Variants in FTO observed in about 807,000 individuals in gnomAD.
FTO encodes the protein FTO alpha-ketoglutarate dependent dioxygenase, also known as alpha-ketoglutarate-dependent dioxygenase FTO.
Under a neutral mutation model 63.9 loss-of-function variants are expected in FTO, and 47 were observed. The observed-to-expected ratio is 0.74, with a 90% confidence interval of 0.58 to 0.94. The LOEUF (loss-of-function observed/expected upper bound fraction) is 0.94, where lower values mean the gene tolerates loss of function less well. FTO is among the 40% of genes least tolerant of loss of function. The pLI is 0.00. For missense variants in FTO, 562 were observed against 618.1 expected, an observed-to-expected ratio of 0.91 and a Z score of 0.96; for synonymous variants, 207 against 224.4, an observed-to-expected ratio of 0.92 and a Z score of 0.69.
chr16:53,961,227 A>G (rs554492709), intron 8 of FTO, among the ~76,000 whole-genome samples: 3 of 151,968 alleles, frequency 2.0e-5, no homozygotes, highest in African/African-American at 7.2e-5. Flanking sequence ...CACTGCTTAC[A>G]GCCCCCAGAT....
chr16:54,088,794 A>C (rs890392798), intron 8 of FTO, among the ~76,000 whole-genome samples: 4 of 152,224 alleles, frequency 2.6e-5, no homozygotes, highest in Non-Finnish European at 4.4e-5. Context: ...CTACCACTGC[A>C]CACTGGGAAA....
intron 5 of FTO, among the ~76,000 whole-genome samples, chr16:53,879,382 T>C (rs927851760): frequency 6.6e-6 from 1 of 151,914 alleles, no homozygotes; most frequent in African/African-American, 2.4e-5. Context: ...AATTCTTGAG[T>C]TCGTGAGTAT....
intron 8 of FTO, among the ~76,000 whole-genome samples, chr16:54,022,656 T>A (rs1008140514): frequency 2.6e-5 from 4 of 152,226 alleles, no homozygotes; most frequent in Non-Finnish European, 5.9e-5. Context: ...CTGTGCATTT[T>A]GTTGGACCAC....
chr16:53,920,776 G>C (rs2081989626), intron 7 of FTO, among the ~76,000 whole-genome samples: 1 of 152,176 alleles, frequency 6.6e-6, no homozygotes. Flanking sequence ...TGATGGAATG[G>C]TTGTTGGCAT....
chr16:54,070,095 GCAAT>G (rs2085830714), intron 8 of FTO: 1 of 151,964 alleles, frequency 6.6e-6, no homozygotes, highest in Admixed American at 6.6e-5. Context: ...CATCTAGTAA[GCAAT>G]CAATACGTGT....
At chr16:53,731,500 A>G (rs1397644113) in intron 1 of FTO, among the ~76,000 whole-genome samples, 1 of 152,184 alleles carries the variant, frequency 6.6e-6, no homozygotes, top group Non-Finnish European at 1.5e-5. Flanking sequence ...TATCTTGTTC[A>G]TGCCTCTGTT....
intron 8 of FTO, among the ~76,000 whole-genome samples, chr16:54,013,057 G>A (rs893414811): frequency 2.0e-5 from 3 of 152,134 alleles, no homozygotes; most frequent in East Asian, 3.9e-4. Context: ...ATAAATCTGG[G>A]AAGGATAATT....
intron 5 of FTO, 71 bp downstream of exon 5, chr16:53,873,936 A>G (rs911141162): frequency 2.2e-5 from 25 of 1,143,364 alleles, no homozygotes; most frequent in Non-Finnish European, 3.2e-5. Context: ...GCAATTTACT[A>G]TAGAGCTTTG....
At chr16:53,803,712 T>C (rs1214244576) in intron 1 of FTO, among the ~76,000 whole-genome samples, 1 of 152,208 alleles carries the variant, frequency 6.6e-6, no homozygotes, top group East Asian at 1.9e-4. Flanking sequence ...GTATAGTCTC[T>C]TGCCAGTCAC....
intron 1 of FTO, among the ~76,000 whole-genome samples, chr16:53,704,695 A>G (rs1038176996): frequency 9.2e-5 from 14 of 152,128 alleles, no homozygotes; most frequent in Admixed American, 3.9e-4. Context: ...GTGGATATGA[A>G]TCTTTAACTA....
At chr16:53,942,688 T>C (rs2082558606) in intron 8 of FTO, among the ~76,000 whole-genome samples, 1 of 152,210 alleles carries the variant, frequency 6.6e-6, no homozygotes, top group South Asian at 2.1e-4. Flanking sequence ...TGATTCGGCA[T>C]GTGGACTAGA....
At chr16:53,787,612 C>T (rs563174348) in intron 1 of FTO, among the ~76,000 whole-genome samples, 15 of 152,246 alleles carry the variant, frequency 9.9e-5, no homozygotes, top group African/African-American at 3.4e-4. Context: ...GTTCCTTTTA[C>T]GCTGACTCAT....
chr16:53,966,439 A>G lies in FTO; in HGVS notation c.1364+32330A>G, dbSNP rs1006487967. Among the ~76,000 whole-genome samples the G allele has an allele frequency of 1.2e-4, 19 of 152,330 alleles. No individual in the cohort carries two copies. In the Middle Eastern group the frequency reaches 0.01, roughly 82 times the overall value. Reference sequence around the variant, plus strand: ...GGCATCCCCACAATCACAATCTCAAATACCAAAATCAACAAGGAAAATTCC... The same window carrying G: ...GGCATCCCCACAATCACAATCTCAAGTACCAAAATCAACAAGGAAAATTCC... On this transcript the variant is annotated intron_variant, in intron 8 of 8. Transcript: ENST00000471389.
At chr16:53,734,604 G>C (rs575106840) in intron 1 of FTO, among the ~76,000 whole-genome samples, 1 of 152,372 alleles carries the variant, frequency 6.6e-6, no homozygotes, top group East Asian at 1.9e-4. Flanking sequence ...GGATTAAACA[G>C]TAATGACATG....
At chr16:53,863,449 G>T (rs923165941) in intron 4 of FTO, among the ~76,000 whole-genome samples, 4 of 152,190 alleles carry the variant, frequency 2.6e-5, no homozygotes, top group African/African-American at 9.6e-5. Flanking sequence ...GTCATGTAGA[G>T]ATTTTATAAA....
intron 4 of FTO, among the ~76,000 whole-genome samples, chr16:53,847,254 G>T (rs1278931637): frequency 1.3e-5 from 2 of 152,150 alleles, no homozygotes; most frequent in East Asian, 1.9e-4. Context: ...CCCATGTCAG[G>T]CCAGCCCTCC....
intron 8 of FTO, among the ~76,000 whole-genome samples, chr16:54,085,233 CG>C (rs1271375575): frequency 6.6e-6 from 1 of 152,164 alleles, no homozygotes; most frequent in Non-Finnish European, 1.5e-5. Context: ...GCTTCTACAG[CG>C]AGATTGCTAC....
chr16:54,099,392 G>T (rs972416094), intron 8 of FTO, among the ~76,000 whole-genome samples: 10 of 152,144 alleles, frequency 6.6e-5, no homozygotes, highest in Admixed American at 6.5e-4. Context: ...CTTTTGTTGA[G>T]CACATTTCTG....
chr16:53,969,455 TG>T (rs200165789), intron 8 of FTO, among the ~76,000 whole-genome samples: 1 of 151,762 alleles, frequency 6.6e-6, no homozygotes, highest in African/African-American at 2.4e-5. Flanking sequence ...GCTTATTTTT[TG>T]GGGGGGGCTT....
Sources: allele counts gnomAD v4.1 joint callset (sites outside exome capture counted in the v4.1 genomes callset), GRCh38; gene constraint gnomAD v4.1.1; transcripts MANE v1.5; gene names NCBI Gene and HGNC (gene_info 2026-07-23, HGNC 2026-07-21).